GNAI1: variants seen among roughly 807,000 people sequenced by gnomAD.
GNAI1 encodes G protein subunit alpha i1.
GNAI1 carries 11 observed loss-of-function variants against 38.9 expected under a neutral mutation model. That is an observed-to-expected ratio of 0.28 (90% CI 0.18 to 0.47). The LOEUF (loss-of-function observed/expected upper bound fraction) is 0.47. Among genes scored for constraint, GNAI1 ranks in the 20% least tolerant of loss-of-function variants. The probability of loss-of-function intolerance (pLI) is 0.99; values close to 1 mark genes in which losing one functional copy is unlikely to be tolerated. For missense variants in GNAI1, 317 were observed against 436.9 expected (o/e 0.73, Z 2.45); for synonymous variants, 166 against 145.1 (o/e 1.14, Z -1.04).
intron 7 of GNAI1, among the ~76,000 whole-genome samples, chr7:80,217,049 A>T (rs1788980336): frequency 6.6e-6 from 1 of 152,070 alleles, no homozygotes; most frequent in African/African-American, 2.4e-5. Context: ...AAAGATCATG[A>T]TGAACACGGA....
chr7:80,204,164 ATTTT>A (rs1482710501), intron 5 of GNAI1, among the ~76,000 whole-genome samples: 1 of 152,078 alleles, frequency 6.6e-6, no homozygotes, highest in Non-Finnish European at 1.5e-5. Context: ...GTTGCCATCT[ATTTT>A]TAGGTAATAA....
chr7:80,151,192 C>T (rs1427609060), intron 1 of GNAI1, among the ~76,000 whole-genome samples: 1 of 152,196 alleles, frequency 6.6e-6, no homozygotes, highest in East Asian at 1.9e-4. Flanking sequence ...TCCACCCTTA[C>T]CTGTTTCCAG....
At chr7:80,154,415 C>T (rs971063447) in intron 1 of GNAI1, among the ~76,000 whole-genome samples, 1 of 152,102 alleles carries the variant, frequency 6.6e-6, no homozygotes, top group Non-Finnish European at 1.5e-5. Context: ...ACTTGGTGCA[C>T]AGGGATTTTA....
intron 1 of GNAI1, among the ~76,000 whole-genome samples, chr7:80,165,203 A>G (rs1457058415): frequency 6.6e-6 from 1 of 152,124 alleles, no homozygotes; most frequent in Non-Finnish European, 1.5e-5. Context: ...TCCCCTCTTA[A>G]ATCTCTAAAA....
At chr7:80,160,767 T>C (rs1333746950) in intron 1 of GNAI1, among the ~76,000 whole-genome samples, 1 of 152,222 alleles carries the variant, frequency 6.6e-6, no homozygotes, top group African/African-American at 2.4e-5. Flanking sequence ...GAGAGTATTT[T>C]GGTAAAACAA....
chr7:80,216,459 T>C (rs1442707110), intron 7 of GNAI1, among the ~76,000 whole-genome samples: 1 of 152,210 alleles, frequency 6.6e-6, no homozygotes, highest in African/African-American at 2.4e-5. Flanking sequence ...CCACAGACAC[T>C]ATTGGTGAGG....
At chr7:80,190,968 A>G (rs1788469860) in intron 3 of GNAI1, among the ~76,000 whole-genome samples, 1 of 151,438 alleles carries the variant, frequency 6.6e-6, no homozygotes, top group Non-Finnish European at 1.5e-5. Flanking sequence ...TTTTTAAACC[A>G]GTTTTCTGAT....
chr7:80,179,317 A>G (rs1455818153), intron 1 of GNAI1, among the ~76,000 whole-genome samples: 3 of 152,038 alleles, frequency 2.0e-5, no homozygotes, highest in Non-Finnish European at 2.9e-5. Flanking sequence ...TGGACGCCTC[A>G]CCTCCAGAGT....
intron 1 of GNAI1, among the ~76,000 whole-genome samples, chr7:80,177,402 A>G (rs1788204561): frequency 1.3e-5 from 2 of 152,152 alleles, no homozygotes; most frequent in Admixed American, 1.3e-4. Flanking sequence ...ACATATATAA[A>G]GATTCTTTTC....
chr7:80,171,081 A>G lies in GNAI1; in HGVS notation c.119-17870A>G, dbSNP rs142696709. Among the ~76,000 whole-genome samples, 98 of 152,308 alleles carry G rather than the reference A, an allele frequency of 6.4e-4. 1 individual carries two copies. The highest frequency in any genetic ancestry group is 1.2e-3 in the Non-Finnish European group (84 of 68,024). On this transcript the variant is annotated intron_variant, in intron 1 of 7. Coordinates refer to ENST00000649796, the MANE Select transcript of GNAI1 (RefSeq NM_002069.6). ...AGAGCAACTGATTCAACTAGAAACTAAAGTATATTGTTAAATTAGGACCAA... is the reference window on the plus strand; with the variant it reads ...AGAGCAACTGATTCAACTAGAAACTGAAGTATATTGTTAAATTAGGACCAA...
At chr7:80,199,170 C>T in intron 3 of GNAI1, 55 bp from the exon 4 acceptor site, 3 of 1,254,154 alleles carry the variant, frequency 2.4e-6, no homozygotes, top group Non-Finnish European at 1.1e-6. Context: ...CTCCTTTGTA[C>T]TTTTTATCTC....
chr7:80,184,438 A>C (rs1426150532), intron 1 of GNAI1, among the ~76,000 whole-genome samples: 1 of 151,988 alleles, frequency 6.6e-6, no homozygotes, highest in African/African-American at 2.4e-5. Flanking sequence ...TTGGGAGAGG[A>C]GCCTGTGCAG....
At chr7:80,186,418 C>T (rs1332455367) in intron 1 of GNAI1, among the ~76,000 whole-genome samples, 1 of 151,998 alleles carries the variant, frequency 6.6e-6, no homozygotes, top group South Asian at 2.1e-4. Flanking sequence ...GCTAAGCGTC[C>T]CATGTTCCCA....
intron 5 of GNAI1, among the ~76,000 whole-genome samples, chr7:80,205,958 A>G (rs1323442218): frequency 1.3e-5 from 2 of 151,586 alleles, no homozygotes; most frequent in African/African-American, 4.9e-5. Context: ...TCGTGATGAT[A>G]AAGCAGAATT....
In GNAI1 at chr7:80,209,723, A is replaced by C. The variant is rs545003075; in HGVS notation, c.591-1246A>C. ...ATCTGAGATATGCTATCTTTTCAGTAAAGTTATTTTCAAATTGTGTTCCTG... is the reference window on the plus strand; with the variant it reads ...ATCTGAGATATGCTATCTTTTCAGTCAAGTTATTTTCAAATTGTGTTCCTG... On this transcript the variant is annotated intron_variant, in intron 5 of 7. Coordinates refer to ENST00000649796, the MANE Select transcript of GNAI1 (RefSeq NM_002069.6). Among the ~76,000 whole-genome samples, 3 of 152,306 alleles carry C rather than the reference A, an allele frequency of 2.0e-5. No individual in the cohort carries two copies. The South Asian group carries it at 6.2e-4, about 32-fold the overall frequency.
At chr7:80,161,151 T>C (rs1374312898) in intron 1 of GNAI1, among the ~76,000 whole-genome samples, 2 of 152,204 alleles carry the variant, frequency 1.3e-5, no homozygotes, top group East Asian at 3.8e-4. Flanking sequence ...CTTCATGATA[T>C]TAGTGTTCCA....
At position 80,160,522 on chromosome 7, in the gene GNAI1, T is replaced by A. The variant is rs1203057746; in HGVS notation, c.118+25244T>A. Among the ~76,000 whole-genome samples, 7 of 152,274 alleles carry A rather than the reference T, an allele frequency of 4.6e-5. No individual in the cohort carries two copies. In the East Asian group the frequency reaches 1.2e-3, roughly 25 times the overall value. ...TTCAGTATAGGTCAAAGTTTGGGAATTGACCAAGCAGCTTTCAGCCCCTTT... is the reference window on the plus strand; with the variant it reads ...TTCAGTATAGGTCAAAGTTTGGGAAATGACCAAGCAGCTTTCAGCCCCTTT... On this transcript the variant is annotated intron_variant, in intron 1 of 7. Coordinates refer to ENST00000649796, the MANE Select transcript of GNAI1 (RefSeq NM_002069.6).
chr7:80,189,658 G>T (rs1424445331), intron 3 of GNAI1, among the ~76,000 whole-genome samples: 1 of 152,138 alleles, frequency 6.6e-6, no homozygotes, highest in East Asian at 1.9e-4. Context: ...CTCGAATAAT[G>T]AAAACAGTAT....
chr7:80,207,223 G>C (rs1788790796), intron 5 of GNAI1, among the ~76,000 whole-genome samples: 1 of 151,926 alleles, frequency 6.6e-6, no homozygotes, highest in Non-Finnish European at 1.5e-5. Context: ...AAGTGGCAGA[G>C]GCAAATATTA....
Sources: allele counts gnomAD v4.1 joint callset (sites outside exome capture counted in the v4.1 genomes callset), GRCh38; gene constraint gnomAD v4.1.1; transcripts MANE v1.5; gene names NCBI Gene and HGNC (gene_info 2026-07-23, HGNC 2026-07-21).